The following FHL2 variants were observed in gnomAD, a reference collection of about 807,000 sequenced individuals.
FHL2 encodes four and a half LIM domains 2.
A neutral mutation model predicts 32.7 loss-of-function variants in FHL2; 20 were observed. The ratio of observed to expected loss-of-function variants is 0.61; its 90% CI spans 0.43 to 0.89. FHL2 has a LOEUF of 0.89. Ranked by LOEUF, FHL2 falls within the 40% of genes least tolerant of loss-of-function variation. The pLI, the probability that FHL2 is intolerant of heterozygous loss-of-function variation, is 0.00. For missense variants in FHL2, 311 were observed against 358.6 expected, an observed-to-expected ratio of 0.87 and a Z score of 1.07; for synonymous variants, 123 against 128.1, an observed-to-expected ratio of 0.96 and a Z score of 0.27.
upstream of FHL2, among the ~76,000 whole-genome samples, chr2:105,400,237 G>T (rs772467551): frequency 1.3e-5 from 2 of 152,138 alleles, no homozygotes; most frequent in Non-Finnish European, 2.9e-5. Flanking sequence ...ACTGGGATGT[G>T]GTAGATGGCA....
intron 1 of FHL2, chr2:105,396,935 G>T (rs1232284523): frequency 2.0e-6 from 1 of 492,204 alleles, no homozygotes; most frequent in African/African-American, 1.9e-5. Context: ...GACAAAGGAG[G>T]CTGCCTGAGT....
chr2:105,407,157 C>T (rs959419031), intron 1 of FHL2, among the ~76,000 whole-genome samples: 4 of 152,070 alleles, frequency 2.6e-5, no homozygotes, highest in Non-Finnish European at 5.9e-5. Flanking sequence ...CTTTGGGAGG[C>T]CAAGGTGGGT....
chr2:105,393,609 A>T (rs1338144047), intron 2 of FHL2, among the ~76,000 whole-genome samples: 1 of 152,236 alleles, frequency 6.6e-6, no homozygotes, highest in Non-Finnish European at 1.5e-5. Flanking sequence ...CACACACAGG[A>T]CCAGGGGCTT....
intron 1 of FHL2, among the ~76,000 whole-genome samples, chr2:105,427,669 G>T (rs1466455229): frequency 6.6e-6 from 1 of 152,178 alleles, no homozygotes; most frequent in Non-Finnish European, 1.5e-5. Context: ...TGTCTTGCAT[G>T]TGAAAGGAAT....
At position 105,386,544 on chromosome 2, in the gene FHL2, T is replaced by G. The variant is rs758038267; in HGVS notation, c.-24-4A>C. 5 of 1,613,700 alleles carry G rather than the reference T, an allele frequency of 3.1e-6. No individual in the cohort carries two copies. The highest frequency in any genetic ancestry group is 4.2e-6 in the Non-Finnish European group (5 of 1,179,902). Reference sequence around the variant, plus strand: ...TGACTCCTGGCTTTTCAGCAACCTATCAAAAAGAAAAGAAAATCCAAGTCC... The same window carrying G: ...TGACTCCTGGCTTTTCAGCAACCTAGCAAAAAGAAAAGAAAATCCAAGTCC... On this transcript the variant is annotated splice_region_variant and splice_polypyrimidine_tract_variant and intron_variant, in intron 2 of 6. Coordinates refer to ENST00000530340, the MANE Select transcript of FHL2 (RefSeq NM_001318895.3).
chr2:105,363,007 C>A, intron 6 of FHL2: 1 of 398,246 alleles, frequency 2.5e-6, no homozygotes, highest in African/African-American at 2.0e-5. Context: ...GGCTCACAGA[C>A]TGCAGTTTTA....
At chr2:105,434,265 G>T (rs1032326668) in intron 1 of FHL2, among the ~76,000 whole-genome samples, 1 of 152,186 alleles carries the variant, frequency 6.6e-6, no homozygotes, top group Non-Finnish European at 1.5e-5. Flanking sequence ...CAACTGGATC[G>T]GAAAGTACTG....
At chr2:105,368,521 C>G (rs1002472634) in intron 4 of FHL2, among the ~76,000 whole-genome samples, 2 of 152,104 alleles carry the variant, frequency 1.3e-5, no homozygotes, top group Non-Finnish European at 2.9e-5. Flanking sequence ...CTTGTACATC[C>G]CATTTAGTAA....
At chr2:105,404,744 C>T (rs1422237452) in intron 1 of FHL2, among the ~76,000 whole-genome samples, 1 of 152,206 alleles carries the variant, frequency 6.6e-6, no homozygotes, top group Admixed American at 6.5e-5. Context: ...TTTTCTTCTC[C>T]CTTCTGCCAT....
Position 105,386,386 on chromosome 2 carries a change from C to T in FHL2, c.131G>A (p.Gly44Glu), listed in dbSNP as rs1193955049. 6.2e-7 allele frequency: 1 copy of T among 1,614,122 alleles called. No homozygotes were observed. Among genetic ancestry groups the T allele is most frequent in the Non-Finnish European group, 8.5e-7 (1 of 1,180,020 alleles). The change falls in exon 3 of 7, where the codon GGG (glycine) becomes GAG (glutamate). Residue 44 changes from glycine to glutamate, a missense_variant. Transcript: ENST00000530340. The stretch of plus-strand genomic sequence containing the variant: ...CTTGCAGTCACAGCCGATGGGCTTC[C>T]CACACTCCTCGCAGGTGTTGGCGAA... ...TLFANTCEEC[G>E]KPIGCDCKDL...
At chr2:105,386,999 G>A (rs1023764437) in intron 2 of FHL2, among the ~76,000 whole-genome samples, 5 of 151,910 alleles carry the variant, frequency 3.3e-5, no homozygotes, top group Non-Finnish European at 7.4e-5. Context: ...TCCTGACCTC[G>A]GGTGATCTGC....
intron 2 of FHL2, among the ~76,000 whole-genome samples, chr2:105,387,939 G>A (rs1573346885): frequency 6.6e-6 from 1 of 152,324 alleles, no homozygotes; most frequent in South Asian, 2.1e-4. Flanking sequence ...AAAAGAATGA[G>A]ATCATGTCTT....
In FHL2 at chr2:105,389,522, T is replaced by A. The variant is rs138117847; in HGVS notation, c.-24-2982A>T. Reference sequence around the variant, plus strand: ...ATTTGGGAATTTGAAATAAGAACGATGAAAGGACAGAGAACTATAAATTGC... The same window carrying A: ...ATTTGGGAATTTGAAATAAGAACGAAGAAAGGACAGAGAACTATAAATTGC... On this transcript the variant is annotated intron_variant, in intron 2 of 6. Transcript: ENST00000530340. Among the ~76,000 whole-genome samples the A allele has an allele frequency of 3.9e-4, 60 of 152,284 alleles. No individual in the cohort carries two copies. In the East Asian group the frequency reaches 9.3e-3, roughly 23 times the overall value.
chr2:105,403,626 A>C (rs1683540642), upstream of FHL2, among the ~76,000 whole-genome samples: 1 of 152,206 alleles, frequency 6.6e-6, no homozygotes, highest in Non-Finnish European at 1.5e-5. Flanking sequence ...TCCTGCTTTA[A>C]CACGCCCTCC....
At chr2:105,414,520 T>C (rs1683878363) in intron 1 of FHL2, among the ~76,000 whole-genome samples, 3 of 152,128 alleles carry the variant, frequency 2.0e-5, no homozygotes, top group Admixed American at 2.0e-4. Flanking sequence ...AGTACTCTTG[T>C]CACTCAAGAG....
At chr2:105,368,048 G>A (rs974915673) in intron 4 of FHL2, among the ~76,000 whole-genome samples, 1 of 152,216 alleles carries the variant, frequency 6.6e-6, no homozygotes, top group African/African-American at 2.4e-5. Flanking sequence ...TCTCAGCAAT[G>A]CAAAGTATAA....
In FHL2 at chr2:105,361,448, G is replaced by T; in HGVS notation, c.689-14C>A. 6.2e-7 allele frequency: 1 copy of T among 1,608,012 alleles called. No homozygotes were observed. The highest frequency in any genetic ancestry group is 8.5e-7 in the Non-Finnish European group (1 of 1,176,848). On this transcript the variant is annotated splice_polypyrimidine_tract_variant and intron_variant, in intron 6 of 6. Coordinates refer to ENST00000530340, the MANE Select transcript of FHL2 (RefSeq NM_001318895.3). ...TGCCACCAAGTCCTGTTAACAGAGA[G>T]AAAATAATACCGGATGAAGAAAGTT...
chr2:105,420,506 C>T (rs1558730663), intron 1 of FHL2, among the ~76,000 whole-genome samples: 1 of 152,096 alleles, frequency 6.6e-6, no homozygotes, highest in Non-Finnish European at 1.5e-5. Flanking sequence ...GGGGGAGAGA[C>T]ACTCAACCCA....
At chr2:105,373,507 A>G in intron 4 of FHL2, 52 bp downstream of exon 4, 1 of 1,604,758 alleles carries the variant, frequency 6.2e-7, no homozygotes, top group Non-Finnish European at 8.5e-7. Flanking sequence ...AGGAACGTGC[A>G]CAAGGCTTGA....
Sources: allele counts gnomAD v4.1 joint callset (sites outside exome capture counted in the v4.1 genomes callset), GRCh38; gene constraint gnomAD v4.1.1; transcripts MANE v1.5; gene names NCBI Gene and HGNC (gene_info 2026-07-23, HGNC 2026-07-21).